Variants in PRKCSH observed in about 807,000 individuals in gnomAD.
The protein encoded by PRKCSH is glucosidase 2 subunit beta.
A neutral mutation model predicts 79.7 loss-of-function variants in PRKCSH; 42 were observed. The observed-to-expected ratio is 0.53, with a 90% CI of 0.41 to 0.68. The LOEUF is 0.68. Ranked by LOEUF, PRKCSH falls within the 30% of genes least tolerant of loss-of-function variation. The pLI is 0.00. For synonymous variants in PRKCSH, 325 were observed against 288.2 expected, an observed-to-expected ratio of 1.13 and a Z score of -1.29; for missense variants, 686 against 709.0, an observed-to-expected ratio of 0.97 and a Z score of 0.37.
chr19:11,439,578 G>A (rs185907880), intron 5 of PRKCSH, among the ~76,000 whole-genome samples: 4 of 145,264 alleles, frequency 2.8e-5, no homozygotes, highest in Admixed American at 2.7e-4. Context: ...AACACAGTGA[G>A]ACCCGTCTCA....
At chr19:11,435,856 T>A in intron 1 of PRKCSH, 150 bp downstream of exon 1, 1 of 1,138,174 alleles carries the variant, frequency 8.8e-7, no homozygotes, top group Non-Finnish European at 1.2e-6. Flanking sequence ...GAGCGGAGGT[T>A]TTGAGATCTT....
At chr19:11,441,004 C>T (rs1970038367) in intron 5 of PRKCSH, 4 of 488,834 alleles carry the variant, frequency 8.2e-6, no homozygotes, top group African/African-American at 2.0e-5. Flanking sequence ...AGCTCCACCT[C>T]CTGGCACTCC....
At chr19:11,440,568 C>G (rs897109274) in intron 5 of PRKCSH, among the ~76,000 whole-genome samples, 1 of 152,114 alleles carries the variant, frequency 6.6e-6, no homozygotes, top group African/African-American at 2.4e-5. Flanking sequence ...GCCTCAGCCT[C>G]CCGTGTAGCT....
At position 11,447,805 on chromosome 19, in the gene PRKCSH, G is replaced by A. The variant is rs1345750901; in HGVS notation, c.1126+16G>A. ...TTCATCGATGGTGAGGGTGGGCGGG[G>A]GCCAGGCTCCTCGGGTGGGCCCAGC... On this transcript the variant is annotated intron_variant, in intron 12 of 17. Coordinates refer to ENST00000677123, the MANE Select transcript of PRKCSH (RefSeq NM_001289104.2). This position sits in a 1 kb window ranked among gnomAD's most constrained non-coding sequence, Gnocchi z 5.6. 5 of 1,551,288 alleles carry A rather than the reference G, an allele frequency of 3.2e-6. No homozygotes were observed. Among genetic ancestry groups the A allele is most frequent in the Admixed American group, 3.9e-5 (2 of 51,308 alleles).
Position 11,447,997 on chromosome 19 carries a change from G to A in PRKCSH, c.1126+208G>A, listed in dbSNP as rs969548645. 10 of 757,732 alleles carry A rather than the reference G, an allele frequency of 1.3e-5. No homozygotes were observed. Among genetic ancestry groups the A allele is most frequent in the East Asian group, 5.4e-5 (2 of 37,058 alleles). 46.9% of individuals were successfully genotyped at this position (757,732 alleles called of 1,614,324 possible). A position where few individuals can be genotyped will look rare whatever the true frequency, so the allele number is the denominator to read the frequency against. On this transcript the variant is annotated intron_variant, in intron 12 of 17. Transcript: ENST00000677123. The surrounding 1 kb of genome is among the most constrained non-coding windows in gnomAD (Gnocchi z 5.6). ...GGGCCCTTCTGCCTCCCCAAGGGCCGCAGCTTGTTTGTGTCACTCCTGGCC... is the reference window on the plus strand; with the variant it reads ...GGGCCCTTCTGCCTCCCCAAGGGCCACAGCTTGTTTGTGTCACTCCTGGCC...
chr19:11,443,956 A>G (rs2144831924), intron 7 of PRKCSH, among the ~76,000 whole-genome samples: 1 of 152,196 alleles, frequency 6.6e-6, no homozygotes, highest in East Asian at 1.9e-4. Flanking sequence ...TTGTAGTTTT[A>G]GTAGAGACGG....
chr19:11,446,572 C>T (rs1970312666), intron 9 of PRKCSH, among the ~76,000 whole-genome samples: 1 of 151,850 alleles, frequency 6.6e-6, no homozygotes, highest in South Asian at 2.1e-4. Flanking sequence ...CCCACTCTAC[C>T]CGCTGTTGAG....
chr19:11,440,223 CT>C (rs1445316055), intron 5 of PRKCSH, among the ~76,000 whole-genome samples: 1 of 151,838 alleles, frequency 6.6e-6, no homozygotes, highest in African/African-American at 2.4e-5. Flanking sequence ...TCTCCGCTCA[CT>C]GCAAGCTCCG....
intron 7 of PRKCSH, among the ~76,000 whole-genome samples, chr19:11,444,742 C>T (rs1970216442): frequency 6.6e-6 from 1 of 152,054 alleles, no homozygotes; most frequent in South Asian, 2.1e-4. Context: ...GTCCGGCTGG[C>T]CCCTCTTCCT....
In PRKCSH at chr19:11,447,374, G is replaced by A; in HGVS notation, c.850-65G>A. 3 of 1,552,974 alleles carry A rather than the reference G, an allele frequency of 1.9e-6. No homozygotes were observed. The highest frequency in any genetic ancestry group is 2.7e-6 in the Non-Finnish European group (3 of 1,131,090). ...CACCGAGGCTGCCCCTTGGGCTGTGGTGTGAGCCTGAGGGTGTGGGTGGAC... is the reference window on the plus strand; with the variant it reads ...CACCGAGGCTGCCCCTTGGGCTGTGATGTGAGCCTGAGGGTGTGGGTGGAC... On this transcript the variant is annotated intron_variant, in intron 10 of 17. Transcript: ENST00000677123. The surrounding 1 kb of genome is among the most constrained non-coding windows in gnomAD (Gnocchi z 5.6).
In PRKCSH at chr19:11,435,700, G is replaced by C. The variant is rs867672439; in HGVS notation, c.-84G>C. 2 of 1,315,960 alleles carry C rather than the reference G, an allele frequency of 1.5e-6. No homozygotes were observed. Among genetic ancestry groups the C allele is most frequent in the African/African-American group, 3.0e-5 (2 of 66,940 alleles). 81.5% of individuals were successfully genotyped at this position (1,315,960 alleles called of 1,614,324 possible). ...GCGGTGGATACTGACCTTTGCTCCG[G>C]CCTCGTGTAGGTGTGAACGAGCGGG... On this transcript the variant is annotated 5_prime_UTR_variant, in exon 1 of 18. Coordinates refer to ENST00000677123, the MANE Select transcript of PRKCSH (RefSeq NM_001289104.2).
chr19:11,447,797 TG>T lies in PRKCSH; in HGVS notation c.1126+11del. ...CGCAGGCCTTCATCGATGGTGAGGGTGGGCGGGGGCCAGGCTCCTCGGGTGG... is the reference window on the plus strand; with the variant it reads ...CGCAGGCCTTCATCGATGGTGAGGGTGGCGGGGGCCAGGCTCCTCGGGTGG... On this transcript the variant is annotated intron_variant, in intron 12 of 17. Coordinates refer to ENST00000677123, the MANE Select transcript of PRKCSH (RefSeq NM_001289104.2). This position sits in a 1 kb window ranked among gnomAD's most constrained non-coding sequence, Gnocchi z 5.6. 1.3e-6 allele frequency: 2 copies of T among 1,558,594 alleles called. No individual in the cohort carries two copies. Among genetic ancestry groups the T allele is most frequent in the Non-Finnish European group, 1.7e-6 (2 of 1,152,846 alleles).
chr19:11,442,119 A>T (rs1276383286), intron 6 of PRKCSH, among the ~76,000 whole-genome samples: 2 of 152,156 alleles, frequency 1.3e-5, no homozygotes, highest in East Asian at 3.9e-4. Flanking sequence ...TGTCAGGGCG[A>T]CTGGATCCTA....
intron 8 of PRKCSH, 111 bp from the exon 9 acceptor site, chr19:11,446,161 C>T: frequency 8.3e-7 from 1 of 1,198,640 alleles, no homozygotes; most frequent in Non-Finnish European, 1.2e-6. Flanking sequence ...GGTCCTGAAG[C>T]AAGTTCCAGG....
At chr19:11,435,869 G>T in intron 1 of PRKCSH, 163 bp downstream of exon 1, 2 of 1,038,844 alleles carry the variant, frequency 1.9e-6, no homozygotes, top group South Asian at 3.1e-5. Context: ...GAGATCTTGA[G>T]ATCCTCGCCA....
rs1007948534 is a variant in PRKCSH at position 11,445,524 on chromosome 19, C to G, written c.683+51C>G. The stretch of plus-strand genomic sequence containing the variant: ...CCACCTTTCCGTGGGCCTGGGTTTC[C>G]CTCCCCGCCACCCTCGCCTCTAGAA... On this transcript the variant is annotated intron_variant, in intron 8 of 17. Coordinates refer to ENST00000677123, the MANE Select transcript of PRKCSH (RefSeq NM_001289104.2). The G allele has an allele frequency of 3.2e-6, 5 of 1,572,230 alleles. No individual in the cohort carries two copies. In the African/African-American group the frequency reaches 6.7e-5, roughly 21 times the overall value.
In PRKCSH at chr19:11,448,662, CAGGG is replaced by C; in HGVS notation, c.1286+34_1286+37del. On this transcript the variant is annotated intron_variant, in intron 14 of 17. Coordinates refer to ENST00000677123, the MANE Select transcript of PRKCSH (RefSeq NM_001289104.2). This position sits in a 1 kb window ranked among gnomAD's most constrained non-coding sequence, Gnocchi z 4.4. ...CCAGGAATGCAGGGGCCCCCACTGG[CAGGG>C]TGGGAGGCGGGTGGCCCCGGAAGTG... 6.3e-7 allele frequency: 1 copy of C among 1,593,122 alleles called. No homozygotes were observed. Among genetic ancestry groups the C allele is most frequent in the Non-Finnish European group, 8.6e-7 (1 of 1,161,112 alleles).
Position 11,449,079 on chromosome 19 carries a change from C to T in PRKCSH, c.1365C>T (p.Thr455=), listed in dbSNP as rs35927954. The T allele has an allele frequency of 9.3e-6, 15 of 1,613,558 alleles. No individual in the cohort carries two copies. The highest frequency in any genetic ancestry group is 1.3e-5 in the Non-Finnish European group (15 of 1,180,024). Residue 455 remains threonine (T), a synonymous_variant, in exon 16 of 18, where the codon ACC becomes ACT. Coordinates refer to ENST00000677123, the MANE Select transcript of PRKCSH (RefSeq NM_001289104.2). The surrounding 1 kb of genome is among the most constrained non-coding windows in gnomAD (Gnocchi z 6.4). ...KLGGSPTSLG[T]WGSWIGPDHD... is the part of the protein sequence containing the mutation. ...CAGCACCCTGTGTCTCTCACAGCACCTGGGGCTCATGGATTGGCCCCGACC... is the reference window on the plus strand; with the variant it reads ...CAGCACCCTGTGTCTCTCACAGCACTTGGGGCTCATGGATTGGCCCCGACC...
At chr19:11,439,414 T>TA (rs149089405) in intron 5 of PRKCSH, among the ~76,000 whole-genome samples, 8,744 of 140,792 alleles carry the variant, frequency 0.062, 338 homozygotes, top group Admixed American at 0.13. Context: ...CTATAAAAAG[T>TA]AAAAAAAAAA....
Sources: gnomAD v4.1 joint callset for allele counts (sites outside exome capture counted in the v4.1 genomes callset) on GRCh38, gnomAD v4.1.1 for gene constraint, Gnocchi (gnomAD v3.1) non-coding constraint, MANE v1.5 for transcripts, NCBI Gene and HGNC (gene_info 2026-07-23, HGNC 2026-07-21) for gene names.